Variants in DSCAML1 observed in about 807,000 individuals in gnomAD.
DSCAML1 encodes cell adhesion molecule DSCAML1.
A neutral mutation model predicts 200.5 loss-of-function variants in DSCAML1; 38 were observed. That is an observed-to-expected ratio of 0.19 (90% CI 0.15 to 0.25). The LOEUF (loss-of-function observed/expected upper bound fraction) is 0.25. Ranked by LOEUF, DSCAML1 falls within the 10% of genes least tolerant of loss-of-function variation. The pLI is 1.00. For synonymous variants in DSCAML1, 1,215 were observed against 1,165.0 expected, an observed-to-expected ratio of 1.04 and a Z score of -0.87; for missense variants, 2,223 against 2,858.8, an observed-to-expected ratio of 0.78 and a Z score of 5.07.
At chr11:117,472,088 C>T in intron 14 of DSCAML1, 52 bp from the exon 15 acceptor site, 1 of 1,599,882 alleles carries the variant, frequency 6.3e-7, no homozygotes, top group Non-Finnish European at 8.5e-7. Flanking sequence ...TCCAGGACCC[C>T]TTCCCAGCCT....
chr11:117,717,174 G>A (rs1487512028), intron 3 of DSCAML1, among the ~76,000 whole-genome samples: 2 of 152,190 alleles, frequency 1.3e-5, no homozygotes, highest in African/African-American at 2.4e-5. Context: ...GAAGATGGTC[G>A]ATCAGGCTGC....
intron 3 of DSCAML1, among the ~76,000 whole-genome samples, chr11:117,657,881 A>T (rs773339407): frequency 6.6e-6 from 1 of 152,156 alleles, no homozygotes; most frequent in Non-Finnish European, 1.5e-5. Context: ...GCCCGAGGGA[A>T]AAGGATGTTC....
chr11:117,551,975 G>A (rs73010348), intron 3 of DSCAML1, among the ~76,000 whole-genome samples: 6,254 of 148,262 alleles, frequency 0.042, 249 homozygotes, highest in East Asian at 0.21. Flanking sequence ...AGGAGACAAT[G>A]TCTTATCAGA....
At chr11:117,687,426 A>ATTTTAATTTTTTTT (rs552784985) in intron 3 of DSCAML1, among the ~76,000 whole-genome samples, 1 of 97,684 alleles carries the variant, frequency 1.0e-5, no homozygotes, top group Non-Finnish European at 1.9e-5. Flanking sequence ...ATGCCTGGCT[A>ATTTTAATTTTTTTT]TTTTTTTTTT....
chr11:117,704,886 T>A (rs1240680008), intron 3 of DSCAML1, among the ~76,000 whole-genome samples: 1 of 152,114 alleles, frequency 6.6e-6, no homozygotes, highest in Non-Finnish European at 1.5e-5. Context: ...AATAGAGAAC[T>A]CTTCATTCAG....
chr11:117,636,414 G>A (rs1393357454), intron 3 of DSCAML1, among the ~76,000 whole-genome samples: 3 of 152,150 alleles, frequency 2.0e-5, no homozygotes, highest in Non-Finnish European at 2.9e-5. Context: ...AACTCAGCAC[G>A]TATGAACACA....
In DSCAML1 at chr11:117,708,346, A is replaced by T. The variant is rs180826916; in HGVS notation, c.511+68445T>A. Reference sequence around the variant, plus strand: ...CCAAAGATACCAAATCTGTCTTTGTATAAACCTGCTGTCAAGTGTTCCCTG... The same window carrying T: ...CCAAAGATACCAAATCTGTCTTTGTTTAAACCTGCTGTCAAGTGTTCCCTG... On this transcript the variant is annotated intron_variant, in intron 3 of 32. Transcript: ENST00000651296. 1.1e-3 allele frequency among the ~76,000 whole-genome samples: 167 copies of T among 152,342 alleles called. 1 individual carries two copies. The highest frequency in any genetic ancestry group is 3.8e-3 in the African/African-American group (160 of 41,592).
intron 1 of DSCAML1, among the ~76,000 whole-genome samples, chr11:117,781,779 T>G (rs975084857): frequency 1.3e-5 from 2 of 152,240 alleles, no homozygotes; most frequent in African/African-American, 4.8e-5. Context: ...TCTGACATGG[T>G]GCCATTCCAA....
rs1034980089 is a variant in DSCAML1, at chr11:117,431,620, G to A, written c.5288C>T (p.Thr1763Ile). Residue 1763 changes from threonine (T) to isoleucine (I), a missense_variant, in exon 31 of 33, where the codon ACC (threonine) becomes ATC (isoleucine). Physicochemically the swap from Thr to Ile is moderately conservative, Grantham distance 89. Transcript: ENST00000651296. ...GGAGCCCACGGTGCGCCAGTCGGAG[G>A]TGAGGGTGCGGGCAGGTGTGGAGGC... ...CQASTPARTL[T>I]SDWRTVGSQH... is the part of the protein sequence containing the mutation. 5.6e-6 allele frequency: 9 copies of A among 1,613,368 alleles called. No individual in the cohort carries two copies. Among genetic ancestry groups the A allele is most frequent in the Non-Finnish European group, 6.8e-6 (8 of 1,179,622 alleles).
chr11:117,687,457 G>A (rs909865622), intron 3 of DSCAML1, among the ~76,000 whole-genome samples: 2 of 116,622 alleles, frequency 1.7e-5, no homozygotes, highest in African/African-American at 6.8e-5. Context: ...TTAGAGATGG[G>A]GTCTCGCTAT....
At chr11:117,729,152 A>G (rs1235659790) in intron 3 of DSCAML1, among the ~76,000 whole-genome samples, 2 of 152,192 alleles carry the variant, frequency 1.3e-5, no homozygotes, top group Non-Finnish European at 2.9e-5. Context: ...TGGTGCCAAG[A>G]CCACTCAGGA....
chr11:117,465,126 T>A lies in DSCAML1; in HGVS notation c.3081A>T (p.Arg1027Ser). Residue 1027 changes from arginine to serine, a missense_variant, in exon 17 of 33, where the codon AGA becomes AGT. By Grantham distance (110) the Arg-to-Ser change is moderately radical. Around this residue, in one of 7 missense-constraint regions of DSCAML1, gnomAD observed 438 missense variants for 629.7 expected, o/e 0.70. Transcript: ENST00000651296. The part of the protein sequence containing the change: ...GVIRGYQIGY[R>S]ENSPGSNGQY... The stretch of plus-strand genomic sequence containing the variant: ...GCCCGTTGCTGCCGGGGCTGTTCTC[T>A]CTGTAGCCAATCTGGTAGCCCCGGA... 6.2e-7 allele frequency: 1 copy of A among 1,614,094 alleles called. No individual in the cohort carries two copies. The highest frequency in any genetic ancestry group is 8.5e-7 in the Non-Finnish European group (1 of 1,180,008).
intron 1 of DSCAML1, among the ~76,000 whole-genome samples, chr11:117,816,267 G>C (rs1359668052): frequency 2.0e-5 from 3 of 152,182 alleles, no homozygotes; most frequent in Non-Finnish European, 4.4e-5. Context: ...GCAGCCCTGG[G>C]CTCAGCACTG....
intron 3 of DSCAML1, among the ~76,000 whole-genome samples, chr11:117,716,995 TGCACCC>T (rs1195945895): frequency 8.5e-4 from 1 of 1,178 alleles, no homozygotes; most frequent in Non-Finnish European, 9.1e-3. Context: ...CCATCCCAGA[TGCACCC>T]CAGATGCACC....
At chr11:117,612,901 G>A (rs999130261) in intron 3 of DSCAML1, among the ~76,000 whole-genome samples, 1 of 152,170 alleles carries the variant, frequency 6.6e-6, no homozygotes, top group African/African-American at 2.4e-5. Flanking sequence ...GCCAGGGTTT[G>A]AGTTCCAGTC....
At chr11:117,696,550 G>C (rs1210319593) in intron 3 of DSCAML1, among the ~76,000 whole-genome samples, 4 of 152,148 alleles carry the variant, frequency 2.6e-5, no homozygotes, top group Admixed American at 1.3e-4. Context: ...ATCTTCCTGG[G>C]GAGGCCGCAC....
intron 11 of DSCAML1, among the ~76,000 whole-genome samples, chr11:117,497,816 C>T (rs1390216316): frequency 6.6e-6 from 1 of 152,254 alleles, no homozygotes; most frequent in African/African-American, 2.4e-5. Context: ...ACAGCTGTGG[C>T]AGGGCCAAGC....
chr11:117,603,716 G>A (rs2051509494), intron 3 of DSCAML1, among the ~76,000 whole-genome samples: 1 of 152,166 alleles, frequency 6.6e-6, no homozygotes, highest in African/African-American at 2.4e-5. Context: ...GCCAATAGTG[G>A]AATCATTCTG....
At chr11:117,596,488 T>A (rs2051364314) in intron 3 of DSCAML1, among the ~76,000 whole-genome samples, 1 of 151,864 alleles carries the variant, frequency 6.6e-6, no homozygotes, top group Admixed American at 6.5e-5. Context: ...CCATTGCTAA[T>A]GGCAATCACA....
Sources: allele counts gnomAD v4.1 joint callset (sites outside exome capture counted in the v4.1 genomes callset), GRCh38; gene constraint gnomAD v4.1.1; regional missense constraint gnomAD v4.1.1; transcripts MANE v1.5; gene names NCBI Gene and HGNC (gene_info 2026-07-23, HGNC 2026-07-21).